The following ADAMTS17 variants were observed in gnomAD, a reference collection of about 807,000 sequenced individuals.
ADAMTS17 encodes A disintegrin and metalloproteinase with thrombospondin motifs 17.
A neutral mutation model predicts 141.5 loss-of-function variants in ADAMTS17; 113 were observed. The observed-to-expected ratio is 0.80, with a 90% CI of 0.69 to 0.93. The LOEUF is 0.93. Among genes scored for constraint, ADAMTS17 ranks in the 40% least tolerant of loss-of-function variants. The probability of loss-of-function intolerance (pLI) is 0.00; values close to 1 mark genes in which losing one functional copy is unlikely to be tolerated. For synonymous variants in ADAMTS17, 768 were observed against 630.6 expected (o/e 1.22, Z -3.27); for missense variants, 1,659 against 1,517.9 (o/e 1.09, Z -1.54).
chr15:100,080,921 G>C (rs895275166), intron 15 of ADAMTS17, among the ~76,000 whole-genome samples: 1 of 152,200 alleles, frequency 6.6e-6, no homozygotes, highest in Non-Finnish European at 1.5e-5. Context: ...TGAAGACTAT[G>C]TGTGTTCTCA....
At chr15:100,092,878 T>C (rs2035552471) in intron 15 of ADAMTS17, among the ~76,000 whole-genome samples, 1 of 152,196 alleles carries the variant, frequency 6.6e-6, no homozygotes, top group Non-Finnish European at 1.5e-5. Flanking sequence ...GCTGGTCACC[T>C]GGAGACTGAC....
intron 10 of ADAMTS17, among the ~76,000 whole-genome samples, chr15:100,143,854 AC>A (rs2038772956): frequency 6.6e-6 from 1 of 152,210 alleles, no homozygotes; most frequent in Non-Finnish European, 1.5e-5. Flanking sequence ...ATTTACCCAC[AC>A]CTTTGAGTAG....
chr15:100,015,863 G>A (rs999128597), intron 18 of ADAMTS17, among the ~76,000 whole-genome samples: 12 of 152,120 alleles, frequency 7.9e-5, no homozygotes, highest in African/African-American at 2.2e-4. Context: ...ATCTTTTTGC[G>A]ATGCATTTCC....
chr15:100,093,224 C>T (rs764980616), intron 15 of ADAMTS17, among the ~76,000 whole-genome samples: 7 of 152,144 alleles, frequency 4.6e-5, no homozygotes, highest in Non-Finnish European at 5.9e-5. Flanking sequence ...GGAGATTTGG[C>T]TCTGCTGGGC....
chr15:100,261,834 A>G lies in ADAMTS17; in HGVS notation c.874-198T>C, dbSNP rs62036220. Among the ~76,000 whole-genome samples, 43,192 of 151,976 alleles carry G rather than the reference A, an allele frequency of 0.28. 6,419 individuals carry two copies. The highest frequency in any genetic ancestry group is 0.43 in the South Asian group (2,052 of 4,806). ...AGAGACCATCAGGGGCCTTACATAT[A>G]GGTGCAAGTGAAGACTATGCTGTTT... On this transcript the variant is annotated intron_variant, in intron 5 of 21. Coordinates refer to ENST00000268070, the MANE Select transcript of ADAMTS17 (RefSeq NM_139057.4).
In ADAMTS17 at chr15:99,972,449, G is replaced by A. The variant is rs2060230683; in HGVS notation, c.*1953C>T. The stretch of plus-strand genomic sequence containing the variant: ...GAGACCAAGCTAAGGCTTCCTTAGT[G>A]AGCTTGCCCGGCTCTGCTCCTTGGC... On this transcript the variant is annotated 3_prime_UTR_variant, in exon 22 of 22. Coordinates refer to ENST00000268070, the MANE Select transcript of ADAMTS17 (RefSeq NM_139057.4). 1 of 152,200 alleles carries A rather than the reference G, an allele frequency of 6.6e-6. No homozygotes were observed. Among genetic ancestry groups the A allele is most frequent in the Admixed American group, 6.5e-5 (1 of 15,272 alleles). The allele number at this position is 152,200 out of a possible 1,614,324, so 9.4% of individuals were successfully genotyped here.
intron 4 of ADAMTS17, among the ~76,000 whole-genome samples, chr15:100,271,971 CTG>C (rs1183892621): frequency 1.3e-5 from 2 of 152,138 alleles, no homozygotes; most frequent in East Asian, 3.8e-4. Flanking sequence ...CTTGAAAAGA[CTG>C]TCACTTCTCT....
chr15:100,011,725 AATTCGTTCTTGTTTATGGCC>A (rs2141407292), intron 18 of ADAMTS17, among the ~76,000 whole-genome samples: 1 of 152,332 alleles, frequency 6.6e-6, no homozygotes, highest in Admixed American at 6.5e-5. Flanking sequence ...AAATGCCATT[AATTCGTTCTTGTTTATGGCC>A]AAGTAGTATT....
chr15:100,007,797 G>A (rs915409957), intron 18 of ADAMTS17, among the ~76,000 whole-genome samples: 10 of 152,050 alleles, frequency 6.6e-5, no homozygotes, highest in East Asian at 3.9e-4. Flanking sequence ...CTTGGGGTGC[G>A]GTCAGGTTGG....
Position 99,974,335 on chromosome 15 carries a change from G to T in ADAMTS17, c.*67C>A. 1.9e-6 allele frequency: 3 copies of T among 1,605,902 alleles called. No individual in the cohort carries two copies. Among genetic ancestry groups the T allele is most frequent in the South Asian group, 1.1e-5 (1 of 90,812 alleles). On this transcript the variant is annotated 3_prime_UTR_variant, in exon 22 of 22. Coordinates refer to ENST00000268070, the MANE Select transcript of ADAMTS17 (RefSeq NM_139057.4). ...CGGGTGGGGGCGTGGCCACAAGGCT[G>T]GTAGGCTTGCGGGTGGGTGGGTTTC... is the stretch of plus-strand genomic sequence containing the variant.
At chr15:100,089,019 C>A (rs907349981) in intron 15 of ADAMTS17, among the ~76,000 whole-genome samples, 11 of 151,564 alleles carry the variant, frequency 7.3e-5, no homozygotes. Context: ...AGCTTCTGCA[C>A]AGCAAAAGAA....
Position 100,054,004 on chromosome 15 carries a change from G to C in ADAMTS17, c.2188C>G (p.Leu730Val), listed in dbSNP as rs2032351272. ...GSINSDWKIE[L>V]PGEFQIAGTT... ...CCTGCAATCTGGAACTCTCCGGGGA[G>C]CTCTATCTTCCAGTCACTGTTGATG... The change falls in exon 16 of 22, where the codon CTC (leucine) becomes GTC (valine). Residue 730 changes from leucine (L) to valine (V), a missense_variant. By Grantham distance (32) the Leu-to-Val change is conservative. Transcript: ENST00000268070. 2.5e-6 allele frequency: 4 copies of C among 1,614,202 alleles called. No homozygotes were observed. The highest frequency in any genetic ancestry group is 2.5e-6 in the Non-Finnish European group (3 of 1,180,032).
chr15:99,981,770 A>G (rs1175482852), intron 20 of ADAMTS17, among the ~76,000 whole-genome samples: 1 of 152,232 alleles, frequency 6.6e-6, no homozygotes, highest in Non-Finnish European at 1.5e-5. Flanking sequence ...GTTCTATAGT[A>G]AGAGCTACTT....
At chr15:100,240,536 A>T (rs1257877835) in intron 7 of ADAMTS17, among the ~76,000 whole-genome samples, 1 of 152,168 alleles carries the variant, frequency 6.6e-6, no homozygotes, top group Non-Finnish European at 1.5e-5. Flanking sequence ...GAAGAACAGA[A>T]GTTAATCACT....
At position 99,973,872 on chromosome 15, in the gene ADAMTS17, T is replaced by C. The variant is rs564774201; in HGVS notation, c.*530A>G. 4.4e-5 allele frequency: 9 copies of C among 205,226 alleles called. No homozygotes were observed. In the East Asian group the frequency reaches 6.2e-4, roughly 14 times the overall value. The allele number at this position is 205,226 out of a possible 1,614,324, so 12.7% of individuals were successfully genotyped here. A position where few individuals can be genotyped will look rare whatever the true frequency, so the allele number is the denominator to read the frequency against. On this transcript the variant is annotated 3_prime_UTR_variant, in exon 22 of 22. Transcript: ENST00000268070. ...CATGGAGGCAACGTCCTGGTTCTCA[T>C]GTGGTCAAGAAGGTAGATGGAGAGA... is the stretch of plus-strand genomic sequence containing the variant.
At chr15:100,108,958 C>G (rs1454587552) in intron 14 of ADAMTS17, 31 bp downstream of exon 14, 8 of 1,612,636 alleles carry the variant, frequency 5.0e-6, no homozygotes, top group African/African-American at 2.7e-5. Context: ...TCTCCAAAGC[C>G]CCACCAAGGA....
At chr15:100,131,939 G>A in intron 12 of ADAMTS17, 68 bp downstream of exon 12, 1 of 1,608,534 alleles carries the variant, frequency 6.2e-7, no homozygotes, top group Non-Finnish European at 8.5e-7. Context: ...TTTGTGTGAG[G>A]CAGCGAGAGC....
intron 15 of ADAMTS17, among the ~76,000 whole-genome samples, chr15:100,066,213 T>G (rs1253201599): frequency 1.3e-5 from 2 of 152,198 alleles, no homozygotes; most frequent in African/African-American, 4.8e-5. Context: ...TTTTGAATAC[T>G]TAGTGTGCTA....
chr15:100,330,680 T>C (rs2046023854), intron 3 of ADAMTS17, among the ~76,000 whole-genome samples: 1 of 152,158 alleles, frequency 6.6e-6, no homozygotes, highest in Non-Finnish European at 1.5e-5. Flanking sequence ...CTAGGTTCCT[T>C]GCAGAAACAA....
Sources: allele counts gnomAD v4.1 joint callset (sites outside exome capture counted in the v4.1 genomes callset), GRCh38; gene constraint gnomAD v4.1.1; transcripts MANE v1.5; gene names NCBI Gene and HGNC (gene_info 2026-07-23, HGNC 2026-07-21).